FBXO27: variants seen among roughly 807,000 people sequenced by gnomAD.
FBXO27 encodes F-box protein 27.
In FBXO27, 28 loss-of-function variants were observed where a neutral mutation model predicts 28.3. The observed-to-expected ratio is 0.99, with a 90% CI of 0.73 to 1.36. FBXO27 has a LOEUF of 1.36. Ranked by LOEUF, FBXO27 falls within the 40% of genes most tolerant of loss-of-function variation. The pLI is 0.00. For synonymous variants in FBXO27, 175 were observed against 167.3 expected (o/e 1.05, Z -0.36); for missense variants, 388 against 394.1 (o/e 0.98, Z 0.13).
downstream of FBXO27, among the ~76,000 whole-genome samples, chr19:39,022,343 G>A (rs143986619): frequency 9.0e-3 from 1,359 of 151,808 alleles, 9 homozygotes; most frequent in Admixed American, 0.014. Context: ...GTCTCACTAT[G>A]TTGCCTAGGC....
At chr19:39,007,039 C>A (rs1299670519) in intron 2 of FBXO27, among the ~76,000 whole-genome samples, 1 of 126,088 alleles carries the variant, frequency 7.9e-6, no homozygotes, top group Non-Finnish European at 1.6e-5. Context: ...TACCACTGGA[C>A]TCTAGCCTGG....
chr19:39,027,794 G>A (rs1253866846), intron 4 of FBXO27, among the ~76,000 whole-genome samples: 4 of 151,954 alleles, frequency 2.6e-5, no homozygotes, highest in South Asian at 2.1e-4. Context: ...GACTATAGGC[G>A]TGAGCCACCA....
Position 39,032,219 on chromosome 19 carries a change from G to C in FBXO27, c.9C>G (p.Ala3=), listed in dbSNP as rs779890146. 7 of 1,446,244 alleles carry C rather than the reference G, an allele frequency of 4.8e-6. No individual in the cohort carries two copies. The highest frequency in any genetic ancestry group is 4.5e-6 in the Non-Finnish European group (5 of 1,106,926). The allele number at this position is 1,446,244 out of a possible 1,614,324, so 89.6% of individuals were successfully genotyped here. The part of the protein sequence containing the change: MG[A]SVSRGRAARV... ...GGGCGGCCCGGCCCCTGGAGACCGA[G>C]GCGCCCATGGTCCCCCCGCCAGGCC... is the stretch of plus-strand genomic sequence containing the variant. The change falls in exon 2 of 6, where the codon GCC becomes GCG. Residue 3 remains alanine, a synonymous_variant. Coordinates refer to ENST00000292853, the MANE Select transcript of FBXO27 (RefSeq NM_178820.5). This position sits in a 1 kb window ranked among gnomAD's most constrained non-coding sequence, Gnocchi z 4.7.
intron 2 of FBXO27, among the ~76,000 whole-genome samples, chr19:39,006,516 G>A (rs140037937): frequency 0.011 from 1,621 of 152,122 alleles, 32 homozygotes; most frequent in African/African-American, 0.037. Flanking sequence ...CCTAGATCAC[G>A]CCACTGAACA....
intron 1 of FBXO27, among the ~76,000 whole-genome samples, chr19:39,017,204 C>T (rs982334516): frequency 6.6e-6 from 1 of 152,138 alleles, no homozygotes; most frequent in African/African-American, 2.4e-5. Context: ...AAAATCATGG[C>T]AGAAATCATC....
chr19:39,031,329 TA>T lies in FBXO27; in HGVS notation c.365-10del, dbSNP rs778000812. 1 of 1,613,136 alleles carries T rather than the reference TA, an allele frequency of 6.2e-7. No individual in the cohort carries two copies. Among genetic ancestry groups the T allele is most frequent in the Non-Finnish European group, 8.5e-7 (1 of 1,179,526 alleles). ...CCACTTTCGGAGGCCTTCTGTGAAA[TA>T]AAAAAGGCTTGTGCCCAAGTTCCAG... On this transcript the variant is annotated splice_polypyrimidine_tract_variant and intron_variant, in intron 2 of 5. Transcript: ENST00000292853.
intron 2 of FBXO27, among the ~76,000 whole-genome samples, chr19:39,011,688 G>A (rs1224994061): frequency 1.7e-4 from 8 of 46,932 alleles, no homozygotes; most frequent in Non-Finnish European, 4.1e-4. Context: ...TCGCAGAGAT[G>A]GCGGCGGGGG....
chr19:39,015,108 G>C (rs1173465873), intron 1 of FBXO27, among the ~76,000 whole-genome samples: 2 of 151,544 alleles, frequency 1.3e-5, no homozygotes, highest in African/African-American at 4.9e-5. Flanking sequence ...TTGAGTCCAG[G>C]AGTTTGAGAC....
chr19:39,029,972 G>C (rs1245019216), intron 4 of FBXO27, among the ~76,000 whole-genome samples: 1 of 152,102 alleles, frequency 6.6e-6, no homozygotes, highest in African/African-American at 2.4e-5. Flanking sequence ...CTCCTGAGTA[G>C]CTGGGACTAC....
chr19:39,027,357 G>A (rs1419389453), intron 4 of FBXO27, among the ~76,000 whole-genome samples: 2 of 152,124 alleles, frequency 1.3e-5, no homozygotes, highest in African/African-American at 2.4e-5. Context: ...GTGGGCAATC[G>A]ATCAATCCAT....
In FBXO27 at chr19:39,031,045, T is replaced by C. The variant is rs769069394; in HGVS notation, c.556A>G (p.Ile186Val). The change falls in exon 4 of 6, where the codon ATT becomes GTT. Residue 186 changes from isoleucine to valine, a missense_variant. By Grantham distance (29) the Ile-to-Val change is conservative. Transcript: ENST00000292853. ...CACACTCACCAGTCAGAGACACAAA[T>C]CTCAATCCTGCCACTATCCAGCAGT... ...PELLDSGRIE[I>V]CVSDWWGARH... is the part of the protein sequence containing the mutation. 1 of 1,613,938 alleles carries C rather than the reference T, an allele frequency of 6.2e-7. No individual in the cohort carries two copies. Among genetic ancestry groups the C allele is most frequent in the Non-Finnish European group, 8.5e-7 (1 of 1,179,946 alleles).
chr19:39,011,781 G>A (rs1312401033), intron 2 of FBXO27, among the ~76,000 whole-genome samples: 1 of 149,626 alleles, frequency 6.7e-6, no homozygotes, highest in Non-Finnish European at 1.5e-5. Flanking sequence ...CCAAAGTGTT[G>A]AGAATTATAG....
chr19:39,009,961 C>T (rs2072787327), intron 2 of FBXO27, among the ~76,000 whole-genome samples: 1 of 151,908 alleles, frequency 6.6e-6, no homozygotes, highest in Non-Finnish European at 1.5e-5. Flanking sequence ...AGGCAGCTAC[C>T]ACCACTCCTG....
intron 2 of FBXO27, among the ~76,000 whole-genome samples, chr19:39,012,968 C>T (rs2072802984): frequency 8.0e-6 from 1 of 124,506 alleles, no homozygotes; most frequent in Non-Finnish European, 1.8e-5. Context: ...TCAAAACAAA[C>T]AAACAAACAA....
Position 39,025,184 on chromosome 19 carries a change from C to T in FBXO27, c.*227G>A. ...TGGGTTTCCCCTCAGTACAGTAGGG[C>T]CCCCCCGCAAAGCAGCAGCTGCAGT... is the stretch of plus-strand genomic sequence containing the variant. On this transcript the variant is annotated 3_prime_UTR_variant, in exon 6 of 6. Transcript: ENST00000292853. 1.8e-6 allele frequency: 1 copy of T among 541,586 alleles called. No individual in the cohort carries two copies. Among genetic ancestry groups the T allele is most frequent in the Non-Finnish European group, 3.2e-6 (1 of 315,398 alleles). 33.5% of individuals were successfully genotyped at this position (541,586 alleles called of 1,614,324 possible).
At chr19:39,018,867 G>A (rs938161469) in intron 1 of FBXO27, among the ~76,000 whole-genome samples, 5 of 150,536 alleles carry the variant, frequency 3.3e-5, no homozygotes, top group East Asian at 2.0e-4. Context: ...CCAGGAGTTC[G>A]AGACCAGCCT....
chr19:39,015,464 T>TA (rs143855390), intron 1 of FBXO27, among the ~76,000 whole-genome samples: 3 of 145,126 alleles, frequency 2.1e-5, no homozygotes, highest in African/African-American at 5.1e-5. Flanking sequence ...GACCTCATCT[T>TA]AAAAAAAAAA....
chr19:39,031,980 A>G lies in FBXO27; in HGVS notation c.248T>C (p.Leu83Pro), dbSNP rs1037226082. ...RDHGATGRAL[L>P]HLARSCQSPA... is the part of the protein sequence containing the mutation. Reference sequence around the variant, plus strand: ...AGACTGGCAGCTGCGGGCGAGGTGCAGCAGCGCGCGGCCGGTGGCGCCGTG... The same window carrying G: ...AGACTGGCAGCTGCGGGCGAGGTGCGGCAGCGCGCGGCCGGTGGCGCCGTG... The change falls in exon 2 of 6, where the codon CTG becomes CCG. Residue 83 changes from leucine to proline, a missense_variant. Coordinates refer to ENST00000292853, the MANE Select transcript of FBXO27 (RefSeq NM_178820.5). 1 of 1,524,526 alleles carries G rather than the reference A, an allele frequency of 6.6e-7. No homozygotes were observed. Among genetic ancestry groups the G allele is most frequent in the South Asian group, 1.3e-5 (1 of 79,714 alleles). The allele number at this position is 1,524,526 out of a possible 1,614,324, so 94.4% of individuals were successfully genotyped here. A position where few individuals can be genotyped will look rare whatever the true frequency, so the allele number is the denominator to read the frequency against.
chr19:39,022,366 C>A (rs1251764636), downstream of FBXO27, among the ~76,000 whole-genome samples: 1 of 151,896 alleles, frequency 6.6e-6, no homozygotes, highest in African/African-American at 2.4e-5. Context: ...GTCTTGAACT[C>A]CTGGGCTCAA....
Sources: allele counts gnomAD v4.1 joint callset (sites outside exome capture counted in the v4.1 genomes callset), GRCh38; gene constraint gnomAD v4.1.1; non-coding constraint Gnocchi (gnomAD v3.1); transcripts MANE v1.5; gene names NCBI Gene and HGNC (gene_info 2026-07-23, HGNC 2026-07-21).